Variants in PCDHGB7 observed in about 807,000 individuals in gnomAD.
PCDHGB7 encodes protocadherin gamma-B7.
PCDHGB7 carries 37 observed loss-of-function variants against 61.4 expected under a neutral mutation model. That is an observed-to-expected ratio of 0.60 (90% CI 0.46 to 0.79). PCDHGB7 has a LOEUF of 0.79. PCDHGB7 is among the 30% of genes least tolerant of loss of function. The probability of loss-of-function intolerance (pLI) is 0.00; values close to 1 mark genes in which losing one functional copy is unlikely to be tolerated. For missense variants in PCDHGB7, 1,166 were observed against 1,202.5 expected (o/e 0.97, Z 0.45); for synonymous variants, 464 against 503.5 (o/e 0.92, Z 1.05).
chr5:141,486,168 A>C lies in PCDHGB7; in HGVS notation c.2416-8639A>C, dbSNP rs774913463. 6.2e-7 allele frequency: 1 copy of C among 1,614,196 alleles called. No homozygotes were observed. Among genetic ancestry groups the C allele is most frequent in the South Asian group, 1.1e-5 (1 of 91,084 alleles). On this transcript the variant is annotated intron_variant, in intron 1 of 3. Transcript: ENST00000398594. The surrounding 1 kb of genome is among the most constrained non-coding windows in gnomAD (Gnocchi z 5.0). ...GATGGGGGTTCTCCAGCCATGGAGC[A>C]ACATTGCAGCCTTCGAGTGGATCTG...
At position 141,418,768 on chromosome 5, in the gene PCDHGB7, T is replaced by C. The variant is rs1216316680; in HGVS notation, c.909T>C (p.Thr303=). The change falls in exon 1 of 4, where the codon ACT becomes ACC. Residue 303 remains threonine, a synonymous_variant. Transcript: ENST00000398594. Reference sequence around the variant, plus strand: ...ATTACACTACAGGAAACATTCTAACTCAGCAGCCTTTGGATTTTGAAGAAG... The same window carrying C: ...ATTACACTACAGGAAACATTCTAACCCAGCAGCCTTTGGATTTTGAAGAAG... ...SLDYTTGNIL[T]QQPLDFEEVE... is the part of the protein sequence containing the mutation. The C allele has an allele frequency of 6.2e-7, 1 of 1,613,712 alleles. No individual in the cohort carries two copies. The highest frequency in any genetic ancestry group is 8.5e-7 in the Non-Finnish European group (1 of 1,179,796).
chr5:141,432,615 T>G lies in PCDHGB7; in HGVS notation c.2415+12341T>G. ...GCCAGCGAGCCGGGACTCTTCTCGG[T>G]GGGTCTGCACACGGGCGAGGTGCGC... On this transcript the variant is annotated intron_variant, in intron 1 of 3. Coordinates refer to ENST00000398594, the MANE Select transcript of PCDHGB7 (RefSeq NM_018927.4). The surrounding 1 kb of genome is among the most constrained non-coding windows in gnomAD (Gnocchi z 6.0). The G allele has an allele frequency of 2.5e-6, 4 of 1,613,820 alleles. No homozygotes were observed. The highest frequency in any genetic ancestry group is 1.1e-5 in the South Asian group (1 of 91,054).
rs773474154 is a variant in PCDHGB7, at chr5:141,477,751, G to A, written c.2416-17056G>A. The A allele has an allele frequency of 5.0e-6, 8 of 1,613,712 alleles. No individual in the cohort carries two copies. The highest frequency in any genetic ancestry group is 6.8e-6 in the Non-Finnish European group (8 of 1,180,030). ...CTCATATCAGCGATGGGGGCACCCC[G>A]GTCCTAGCCACCAACATCAGCGTGA... On this transcript the variant is annotated intron_variant, in intron 1 of 3. Transcript: ENST00000398594. The surrounding 1 kb of genome is among the most constrained non-coding windows in gnomAD (Gnocchi z 4.9).
At chr5:141,446,508 G>A (rs932199756) in intron 1 of PCDHGB7, among the ~76,000 whole-genome samples, 4 of 151,356 alleles carry the variant, frequency 2.6e-5, no homozygotes, top group Non-Finnish European at 5.9e-5. Flanking sequence ...ATGGAGTCTC[G>A]CTCTGTCACC....
chr5:141,509,155 C>G (rs981661695), intron 3 of PCDHGB7, among the ~76,000 whole-genome samples: 3 of 152,202 alleles, frequency 2.0e-5, no homozygotes, highest in Non-Finnish European at 4.4e-5. Flanking sequence ...GCTCTCCCCT[C>G]CCGTGTGCCC....
At chr5:141,433,361 A>G (rs1208326325) in intron 1 of PCDHGB7, 15 of 297,508 alleles carry the variant, frequency 5.0e-5, no homozygotes, top group Non-Finnish European at 7.0e-5. Context: ...CTGTCTGCCT[A>G]TCTATCTATC....
chr5:141,432,803 G>T lies in PCDHGB7; in HGVS notation c.2415+12529G>T, dbSNP rs751950423. 3 of 1,614,160 alleles carry T rather than the reference G, an allele frequency of 1.9e-6. No homozygotes were observed. The highest frequency in any genetic ancestry group is 2.2e-5 in the East Asian group (1 of 44,874). ...GGACCTCGGCAGCCTCGAGTCTCCA[G>T]CTAACTCTGAAACCTCAGACCTCAC... On this transcript the variant is annotated intron_variant, in intron 1 of 3. Coordinates refer to ENST00000398594, the MANE Select transcript of PCDHGB7 (RefSeq NM_018927.4). This position sits in a 1 kb window ranked among gnomAD's most constrained non-coding sequence, Gnocchi z 6.0.
At chr5:141,509,404 A>C (rs1248030362) in intron 3 of PCDHGB7, among the ~76,000 whole-genome samples, 3 of 152,112 alleles carry the variant, frequency 2.0e-5, no homozygotes, top group Non-Finnish European at 4.4e-5. Context: ...CAGGGCCTCC[A>C]GCAGCGAGCC....
Position 141,476,698 on chromosome 5 carries a change from G to T in PCDHGB7, c.2416-18109G>T. The T allele has an allele frequency of 4.3e-6, 7 of 1,614,056 alleles. No homozygotes were observed. Among genetic ancestry groups the T allele is most frequent in the Non-Finnish European group, 5.9e-6 (7 of 1,179,986 alleles). ...CGCGGGAGGACAGCACCAAGTACGC[G>T]GAGCTGGTGTTGGAGCGCGCCCTGG... On this transcript the variant is annotated intron_variant, in intron 1 of 3. Coordinates refer to ENST00000398594, the MANE Select transcript of PCDHGB7 (RefSeq NM_018927.4). The surrounding 1 kb of genome is among the most constrained non-coding windows in gnomAD (Gnocchi z 7.6).
At chr5:141,464,746 T>G (rs1317670068) in intron 1 of PCDHGB7, among the ~76,000 whole-genome samples, 1 of 152,220 alleles carries the variant, frequency 6.6e-6, no homozygotes, top group Non-Finnish European at 1.5e-5. Context: ...TATATCTTTT[T>G]GTTTTTTTAG....
At chr5:141,478,177 A>G (rs769503109) in intron 1 of PCDHGB7, 1 of 1,613,988 alleles carries the variant, frequency 6.2e-7, no homozygotes, top group South Asian at 1.1e-5. Context: ...GGGAGCAGAA[A>G]AAAAATCTCA....
rs760680204 is a variant in PCDHGB7, at chr5:141,477,505, CG to C, written c.2416-17301del. ...CACAATCTTCTCAATCTTCCTACGA[CG>C]TTTACATTGAAGAAAACAACCTCCC... On this transcript the variant is annotated intron_variant, in intron 1 of 3. Coordinates refer to ENST00000398594, the MANE Select transcript of PCDHGB7 (RefSeq NM_018927.4). The surrounding 1 kb of genome is among the most constrained non-coding windows in gnomAD (Gnocchi z 4.9). The C allele has an allele frequency of 1.2e-5, 19 of 1,614,008 alleles. No individual in the cohort carries two copies. The highest frequency in any genetic ancestry group is 8.5e-7 in the Non-Finnish European group (1 of 1,180,018).
chr5:141,425,015 A>G (rs1285592254), intron 1 of PCDHGB7, among the ~76,000 whole-genome samples: 2 of 152,190 alleles, frequency 1.3e-5, no homozygotes, highest in East Asian at 3.8e-4. Context: ...TCATTTAGGA[A>G]TTTACCTTAT....
chr5:141,463,904 T>C (rs1289422146), intron 1 of PCDHGB7, among the ~76,000 whole-genome samples: 3 of 152,214 alleles, frequency 2.0e-5, no homozygotes, highest in African/African-American at 4.8e-5. Context: ...TTTGTACTAA[T>C]AATATATCCT....
At position 141,491,828 on chromosome 5, in the gene PCDHGB7, G is replaced by C. The variant is rs1389234164; in HGVS notation, c.2416-2979G>C. ...CTTGGTCGCTGGCTGCGCTCCACCC[G>C]ATTCTCGGGATCATTGGACCGTTTG... On this transcript the variant is annotated intron_variant, in intron 1 of 3. Coordinates refer to ENST00000398594, the MANE Select transcript of PCDHGB7 (RefSeq NM_018927.4). The surrounding 1 kb of genome is among the most constrained non-coding windows in gnomAD (Gnocchi z 6.9). 4.1e-6 allele frequency: 6 copies of C among 1,475,668 alleles called. No homozygotes were observed. The highest frequency in any genetic ancestry group is 5.4e-6 in the Non-Finnish European group (6 of 1,113,522). 91.4% of individuals were successfully genotyped at this position (1,475,668 alleles called of 1,614,324 possible).
chr5:141,505,294 G>A, intron 2 of PCDHGB7, 99 bp from the exon 3 acceptor site: 1 of 1,572,086 alleles, frequency 6.4e-7, no homozygotes, highest in Non-Finnish European at 8.6e-7. Flanking sequence ...GCATGGGGTA[G>A]GGTTAGGGTA....
Position 141,511,464 on chromosome 5 carries a change from C to G in PCDHGB7, c.*291C>G. 1.9e-6 allele frequency: 1 copy of G among 538,254 alleles called. No individual in the cohort carries two copies. The highest frequency in any genetic ancestry group is 2.1e-5 in the South Asian group (1 of 47,028). The allele number at this position is 538,254 out of a possible 1,614,324, so 33.3% of individuals were successfully genotyped here. On this transcript the variant is annotated 3_prime_UTR_variant, in exon 4 of 4. Transcript: ENST00000398594. ...ACACCAAGAACCATTTGCCACACCC[C>G]GTTTAGTTACAGCTGAACTCCTCCA...
chr5:141,432,415 G>A lies in PCDHGB7; in HGVS notation c.2415+12141G>A, dbSNP rs2097498934. The A allele has an allele frequency of 6.2e-7, 1 of 1,614,112 alleles. No homozygotes were observed. The highest frequency in any genetic ancestry group is 1.1e-5 in the South Asian group (1 of 91,092). On this transcript the variant is annotated intron_variant, in intron 1 of 3. Transcript: ENST00000398594. This position sits in a 1 kb window ranked among gnomAD's most constrained non-coding sequence, Gnocchi z 6.0. ...GCAACGTGTCGTTGAGCCTGTTCGT[G>A]CTGGACCAGAACGACAATGCGCCCG... is the stretch of plus-strand genomic sequence containing the variant.
At position 141,430,558 on chromosome 5, in the gene PCDHGB7, G is replaced by A. The variant is rs1472516429; in HGVS notation, c.2415+10284G>A. 2.2e-5 allele frequency: 9 copies of A among 417,488 alleles called. No homozygotes were observed. In the East Asian group the frequency reaches 3.3e-4, roughly 15 times the overall value. The allele number at this position is 417,488 out of a possible 1,614,324, so 25.9% of individuals were successfully genotyped here. On this transcript the variant is annotated intron_variant, in intron 1 of 3. Transcript: ENST00000398594. ...TCTGAGCGCCGCTGTTCACCAATCGGGGAGAGAAAAGCGGAGATCCTGCTC... is the reference window on the plus strand; with the variant it reads ...TCTGAGCGCCGCTGTTCACCAATCGAGGAGAGAAAAGCGGAGATCCTGCTC...
Sources: gnomAD v4.1 joint callset for allele counts (sites outside exome capture counted in the v4.1 genomes callset) on GRCh38, gnomAD v4.1.1 for gene constraint, Gnocchi (gnomAD v3.1) non-coding constraint, MANE v1.5 for transcripts, NCBI Gene and HGNC (gene_info 2026-07-23, HGNC 2026-07-21) for gene names.